The following TSPAN3 variants were observed in gnomAD, a reference collection of about 807,000 sequenced individuals.
TSPAN3 encodes tetraspanin-3.
Under a neutral mutation model 31.1 loss-of-function variants are expected in TSPAN3, and 9 were observed. That is an observed-to-expected ratio of 0.29 (90% CI 0.17 to 0.50). TSPAN3 has a LOEUF of 0.50. Ranked by LOEUF, TSPAN3 falls within the 20% of genes least tolerant of loss-of-function variation. The probability of loss-of-function intolerance (pLI) is 0.98; values close to 1 mark genes in which losing one functional copy is unlikely to be tolerated. For synonymous variants in TSPAN3, 129 were observed against 114.3 expected (o/e 1.13, Z -0.82); for missense variants, 252 against 313.5 (o/e 0.80, Z 1.48).
intron 6 of TSPAN3, among the ~76,000 whole-genome samples, chr15:77,050,817 A>C (rs1188270865): frequency 6.6e-6 from 1 of 152,236 alleles, no homozygotes; most frequent in Non-Finnish European, 1.5e-5. Flanking sequence ...AGAGCTACAG[A>C]GTAAATGCTT....
At chr15:77,054,125 T>C in intron 4 of TSPAN3, 53 bp downstream of exon 4, 3 of 1,269,026 alleles carry the variant, frequency 2.4e-6, no homozygotes, top group South Asian at 1.2e-5. Flanking sequence ...TAGTTTAATG[T>C]TGACCCAATC....
intron 2 of TSPAN3, 83 bp from the exon 3 acceptor site, chr15:77,055,946 G>A: frequency 6.6e-7 from 1 of 1,522,038 alleles, no homozygotes. Flanking sequence ...AGTTATCAGA[G>A]ATAATTGCTA....
intron 1 of TSPAN3, chr15:77,063,827 G>A (rs1230009472): frequency 2.0e-5 from 3 of 152,194 alleles, no homozygotes; most frequent in Admixed American, 2.0e-4. Flanking sequence ...CATGGAAACT[G>A]GCTGTTTCCA....
chr15:77,049,255 A>C (rs1374720566), intron 6 of TSPAN3, among the ~76,000 whole-genome samples: 2 of 152,168 alleles, frequency 1.3e-5, no homozygotes, highest in African/African-American at 4.8e-5. Flanking sequence ...GAGGAGGAGG[A>C]GGAAAGAGCA....
intron 4 of TSPAN3, among the ~76,000 whole-genome samples, chr15:77,053,803 G>T (rs2076749421): frequency 6.6e-6 from 1 of 151,880 alleles, no homozygotes; most frequent in Non-Finnish European, 1.5e-5. Flanking sequence ...TTTTTCTGTT[G>T]CCTTTTCTTA....
In TSPAN3 at chr15:77,056,048, TCACAA is replaced by T; in HGVS notation, c.255+11_255+15del. 1 of 1,591,644 alleles carries T rather than the reference TCACAA, an allele frequency of 6.3e-7. No individual in the cohort carries two copies. Among genetic ancestry groups the T allele is most frequent in the Non-Finnish European group, 8.5e-7 (1 of 1,170,906 alleles). On this transcript the variant is annotated intron_variant, in intron 2 of 6. Transcript: ENST00000267970. The stretch of plus-strand genomic sequence containing the variant: ...ATAGACTAAATACTCCTGCATGTTC[TCACAA>T]CACATCTTACCGTGGCAAGTCCACA...
At chr15:77,055,522 C>T (rs528532534) in intron 3 of TSPAN3, 1 of 303,788 alleles carries the variant, frequency 3.3e-6, no homozygotes, top group South Asian at 9.0e-5. Flanking sequence ...CTGAGGAAAT[C>T]TGAACAAACT....
At chr15:77,069,183 A>G (rs2076851576) in intron 1 of TSPAN3, among the ~76,000 whole-genome samples, 1 of 152,062 alleles carries the variant, frequency 6.6e-6, no homozygotes, top group African/African-American at 2.4e-5. Flanking sequence ...GAGATTGCTG[A>G]CTCCTGGTTT....
chr15:77,050,818 G>C lies in TSPAN3; in HGVS notation c.669+1567C>G, dbSNP rs12916714. On this transcript the variant is annotated intron_variant, in intron 6 of 6. Coordinates refer to ENST00000267970, the MANE Select transcript of TSPAN3 (RefSeq NM_005724.6). ...GATTACTGCTATGCAGAGCTACAGA[G>C]TAAATGCTTAGAAGGGCAAAGACCA... Among the ~76,000 whole-genome samples the C allele has an allele frequency of 5.6e-3, 856 of 152,326 alleles. 4 individuals are homozygous for C. The highest frequency in any genetic ancestry group is 9.3e-3 in the Non-Finnish European group (634 of 68,028).
intron 1 of TSPAN3, 59 bp from the exon 2 acceptor site, chr15:77,056,314 T>C (rs1416063451): frequency 6.7e-6 from 9 of 1,347,032 alleles, no homozygotes; most frequent in Non-Finnish European, 8.0e-6. Context: ...TTTCCTATTA[T>C]TGCTTAGTAT....
At chr15:77,062,475 C>T (rs2076806512) in intron 1 of TSPAN3, among the ~76,000 whole-genome samples, 1 of 152,184 alleles carries the variant, frequency 6.6e-6, no homozygotes, top group East Asian at 1.9e-4. Flanking sequence ...TAAAGCTACT[C>T]TTACCAAGAA....
At chr15:77,055,197 C>T (rs1162261704) in intron 3 of TSPAN3, 3 of 152,178 alleles carry the variant, frequency 2.0e-5, no homozygotes, top group African/African-American at 7.2e-5. Flanking sequence ...TTAAAGCAGC[C>T]TGTTTAGCCT....
At chr15:77,047,543 A>G (rs2076702240) in intron 6 of TSPAN3, among the ~76,000 whole-genome samples, 1 of 152,168 alleles carries the variant, frequency 6.6e-6, no homozygotes, top group Non-Finnish European at 1.5e-5. Context: ...TTTCCTTCAC[A>G]TTCACTATTT....
chr15:77,070,586 G>GGA (rs910266331), intron 1 of TSPAN3, among the ~76,000 whole-genome samples: 4 of 151,632 alleles, frequency 2.6e-5, no homozygotes, highest in Admixed American at 2.0e-4. Context: ...CGACTCCGGG[G>GGA]GGGGGAGACT....
At chr15:77,061,256 A>G (rs1038650952) in intron 1 of TSPAN3, among the ~76,000 whole-genome samples, 3 of 152,238 alleles carry the variant, frequency 2.0e-5, no homozygotes, top group African/African-American at 7.2e-5. Context: ...GGCCAGGCGC[A>G]GTAGCTCACA....
chr15:77,071,008 G>A lies in TSPAN3; in HGVS notation c.-54C>T. Reference sequence around the variant, plus strand: ...CGGAGAGCGGGGCTGCGCTCACCGAGAGAGCGGCAATGGCGGCGGCGCCTC... The same window carrying A: ...CGGAGAGCGGGGCTGCGCTCACCGAAAGAGCGGCAATGGCGGCGGCGCCTC... On this transcript the variant is annotated 5_prime_UTR_variant, in exon 1 of 7. Transcript: ENST00000267970. 3 of 1,312,094 alleles carry A rather than the reference G, an allele frequency of 2.3e-6. No individual in the cohort carries two copies. The highest frequency in any genetic ancestry group is 3.0e-6 in the Non-Finnish European group (3 of 1,012,016). The allele number at this position is 1,312,094 out of a possible 1,614,324, so 81.3% of individuals were successfully genotyped here.
intron 4 of TSPAN3, 33 bp downstream of exon 4, chr15:77,054,144 TC>T (rs1422433557): frequency 6.8e-7 from 1 of 1,480,078 alleles, no homozygotes; most frequent in African/African-American, 1.4e-5. Context: ...TCGTGATTGG[TC>T]CTCAAAAACA....
chr15:77,055,600 G>A, intron 3 of TSPAN3, 189 bp downstream of exon 3: 1 of 542,766 alleles, frequency 1.8e-6, no homozygotes, highest in South Asian at 2.7e-5. Flanking sequence ...ATAACACTCT[G>A]CTATATTAAA....
chr15:77,041,724 G>GTA lies in TSPAN3; in HGVS notation c.*5110_*5111insTA, dbSNP rs2076661046. 1 of 152,026 alleles carries GTA rather than the reference G, an allele frequency of 6.6e-6. No individual in the cohort carries two copies. Among genetic ancestry groups the GTA allele is most frequent in the Non-Finnish European group, 1.5e-5 (1 of 68,012 alleles). 9.4% of individuals were successfully genotyped at this position (152,026 alleles called of 1,614,324 possible). A position where few individuals can be genotyped will look rare whatever the true frequency, so the allele number is the denominator to read the frequency against. ...CATCCAGAGTAAATCCAACTAACAAGAATCCACCCTTGGAGTTCATGTAAA... is the reference window on the plus strand; with the variant it reads ...CATCCAGAGTAAATCCAACTAACAAGTAAATCCACCCTTGGAGTTCATGTAAA... On this transcript the variant is annotated 3_prime_UTR_variant, in exon 7 of 7. Coordinates refer to ENST00000267970, the MANE Select transcript of TSPAN3 (RefSeq NM_005724.6).
Sources: allele counts gnomAD v4.1 joint callset (sites outside exome capture counted in the v4.1 genomes callset), GRCh38; gene constraint gnomAD v4.1.1; transcripts MANE v1.5; gene names NCBI Gene and HGNC (gene_info 2026-07-23, HGNC 2026-07-21).